Variants in STARD13 observed in about 807,000 individuals in gnomAD.
STARD13 encodes the protein stAR-related lipid transfer protein 13.
Under a neutral mutation model 106.4 loss-of-function variants are expected in STARD13, and 62 were observed. The ratio of observed to expected loss-of-function variants is 0.58; its 90% CI spans 0.48 to 0.72. The LOEUF (loss-of-function observed/expected upper bound fraction) is 0.72, where lower values mean the gene tolerates loss of function less well. STARD13 is among the 30% of genes least tolerant of loss of function. The probability of loss-of-function intolerance (pLI) is 0.00; values close to 1 mark genes in which losing one functional copy is unlikely to be tolerated. For missense variants in STARD13, 1,387 were observed against 1,424.0 expected, an observed-to-expected ratio of 0.97 and a Z score of 0.42; for synonymous variants, 565 against 553.0, an observed-to-expected ratio of 1.02 and a Z score of -0.31.
At chr13:33,199,835 A>C (rs115195666) in intron 1 of STARD13, among the ~76,000 whole-genome samples, 1 of 152,134 alleles carries the variant, frequency 6.6e-6, no homozygotes, top group Non-Finnish European at 1.5e-5. Flanking sequence ...CTCCTTAGGC[A>C]TGTCTCGTAA....
At chr13:33,675,795 C>A in the STARD13 span, among the ~76,000 whole-genome samples, 4 of 152,072 alleles carry the variant, frequency 2.6e-5, no homozygotes, top group African/African-American at 9.7e-5. Context: ...TTCTCTAGGG[C>A]ACAAAAAGAA....
chr13:33,223,324 T>C (rs1355694373), intron 1 of STARD13, among the ~76,000 whole-genome samples: 8 of 152,190 alleles, frequency 5.3e-5, no homozygotes, highest in South Asian at 4.1e-4. Flanking sequence ...TAGAAGCTCA[T>C]ATGTAAGACA....
the STARD13 span, among the ~76,000 whole-genome samples, chr13:33,445,014 A>G: frequency 1.5e-4 from 23 of 152,356 alleles, no homozygotes; most frequent in African/African-American, 5.0e-4. Context: ...GCCAAATATG[A>G]CAGATTAAAA....
At chr13:33,117,926 C>T in intron 8 of STARD13, 139 bp downstream of exon 8, 1 of 1,445,196 alleles carries the variant, frequency 6.9e-7, no homozygotes, top group Non-Finnish European at 9.1e-7. Flanking sequence ...AAAGTTACTT[C>T]CGTAGAGGAG....
At chr13:33,584,308 T>C in the STARD13 span, among the ~76,000 whole-genome samples, 4 of 152,264 alleles carry the variant, frequency 2.6e-5, no homozygotes, top group African/African-American at 9.6e-5. Flanking sequence ...ACTTGGCTTC[T>C]GGGGAGGCCT....
At chr13:33,125,247 C>T (rs995834811) in intron 7 of STARD13, among the ~76,000 whole-genome samples, 1 of 152,188 alleles carries the variant, frequency 6.6e-6, no homozygotes, top group Admixed American at 6.5e-5. Flanking sequence ...CTCTGCATGG[C>T]ATCAAAAAGT....
intron 3 of STARD13, among the ~76,000 whole-genome samples, chr13:33,158,283 C>A (rs1414172624): frequency 6.6e-6 from 1 of 152,188 alleles, no homozygotes; most frequent in African/African-American, 2.4e-5. Context: ...CAGACATATC[C>A]TTAGTACAAT....
intron 1 of STARD13, among the ~76,000 whole-genome samples, chr13:33,212,338 A>G (rs765639863): frequency 6.9e-4 from 105 of 152,358 alleles, no homozygotes; most frequent in Admixed American, 1.9e-3. Flanking sequence ...CCTTTAGCAT[A>G]TGTGCAGATA....
At chr13:33,113,724 C>G (rs1874957001) in intron 8 of STARD13, among the ~76,000 whole-genome samples, 1 of 152,110 alleles carries the variant, frequency 6.6e-6, no homozygotes, top group African/African-American at 2.4e-5. Context: ...AGTGCCATTA[C>G]CCTTGAGGGT....
Position 33,129,276 on chromosome 13 carries a change from C to A in STARD13, c.1401G>T (p.Leu467=), listed in dbSNP as rs1485768057. 1 of 1,614,196 alleles carries A rather than the reference C, an allele frequency of 6.2e-7. No homozygotes were observed. The highest frequency in any genetic ancestry group is 8.5e-7 in the Non-Finnish European group (1 of 1,180,044). The change falls in exon 5 of 14, where the codon CTG becomes CTT. Residue 467 remains leucine, a synonymous_variant. Coordinates refer to ENST00000336934, the MANE Select transcript of STARD13 (RefSeq NM_178006.4). ...SIYDNVPGSH[L]YASTGDLLDL... ...CCAAAAGATCTCCTGTGCTGGCATA[C>A]AGATGGGAGCCAGGGACATTGTCAT... is the stretch of plus-strand genomic sequence containing the variant.
At chr13:33,317,186 A>T (rs901401607) in intron 1 of STARD13, among the ~76,000 whole-genome samples, 1 of 152,084 alleles carries the variant, frequency 6.6e-6, no homozygotes, top group African/African-American at 2.4e-5. Context: ...CATTCTAAAA[A>T]TCCCATCTCT....
chr13:33,503,813 G>A, the STARD13 span, among the ~76,000 whole-genome samples: 10 of 152,028 alleles, frequency 6.6e-5, no homozygotes, highest in African/African-American at 2.4e-4. Context: ...AGAGTGAACA[G>A]GCAACCTACA....
chr13:33,178,769 T>C (rs895693758), intron 1 of STARD13, among the ~76,000 whole-genome samples: 11 of 152,246 alleles, frequency 7.2e-5, no homozygotes, highest in Admixed American at 6.5e-5. Flanking sequence ...TATTTTACTT[T>C]ATGTAATAAC....
chr13:33,196,305 G>A (rs562212532), intron 1 of STARD13, among the ~76,000 whole-genome samples: 4 of 152,280 alleles, frequency 2.6e-5, no homozygotes, highest in South Asian at 4.1e-4. Flanking sequence ...CACAAGAATC[G>A]CTGGAACCTG....
chr13:33,402,504 G>A, the STARD13 span, among the ~76,000 whole-genome samples: 2 of 152,196 alleles, frequency 1.3e-5, no homozygotes, highest in Non-Finnish European at 2.9e-5. Flanking sequence ...AGAAGAGGGC[G>A]GTTCCCTGGC....
chr13:33,324,170 C>A (rs1893658237), intron 1 of STARD13, among the ~76,000 whole-genome samples: 1 of 152,202 alleles, frequency 6.6e-6, no homozygotes, highest in Admixed American at 6.5e-5. Context: ...ATGCACTACT[C>A]ATAATAATAA....
chr13:33,420,459 C>T, the STARD13 span, among the ~76,000 whole-genome samples: 1 of 152,092 alleles, frequency 6.6e-6, no homozygotes, highest in African/African-American at 2.4e-5. Context: ...TAAAGCAAGT[C>T]CTTAGAGACC....
chr13:33,169,879 C>T (rs1883748537), intron 1 of STARD13, among the ~76,000 whole-genome samples: 1 of 152,064 alleles, frequency 6.6e-6, no homozygotes, highest in South Asian at 2.1e-4. Context: ...AAGTGGGCAG[C>T]CAGGAATCCT....
At chr13:33,350,563 C>T (rs1011495958) in exon 1 of STARD13, 4 of 1,398,464 alleles carry the variant, frequency 2.9e-6, no homozygotes, top group Non-Finnish European at 3.7e-6. Context: ...GTCGGTCCGG[C>T]GCTGGGAGGC....
Sources: gnomAD v4.1 joint callset for allele counts (sites outside exome capture counted in the v4.1 genomes callset) on GRCh38, gnomAD v4.1.1 for gene constraint, MANE v1.5 for transcripts, NCBI Gene and HGNC (gene_info 2026-07-23, HGNC 2026-07-21) for gene names.